Variants in IL19 observed in about 807,000 individuals in gnomAD.
IL19 encodes interleukin-19.
In IL19, 15 loss-of-function variants were observed where a neutral mutation model predicts 19.5. The observed-to-expected ratio is 0.77, with a 90% CI of 0.52 to 1.19. The LOEUF is 1.19. IL19 is among the 50% of genes most tolerant of loss of function. IL19 has a pLI of 0.00. For synonymous variants in IL19, 78 were observed against 78.3 expected (o/e 1.00, Z 0.02); for missense variants, 199 against 213.1 (o/e 0.93, Z 0.41).
At chr1:206,782,313 C>T (rs1675166636) in intron 1 of IL19, among the ~76,000 whole-genome samples, 1 of 152,052 alleles carries the variant, frequency 6.6e-6, no homozygotes, top group Non-Finnish European at 1.5e-5. Flanking sequence ...CTCTTACATG[C>T]GGTCTGTTGT....
intron 2 of IL19, among the ~76,000 whole-genome samples, chr1:206,808,489 TTGTG>T (rs939615370): frequency 8.2e-5 from 10 of 122,404 alleles, no homozygotes; most frequent in Admixed American, 4.4e-4. Context: ...ATGAAGGGAA[TTGTG>T]TGTGTGCGTG....
At chr1:206,793,207 AC>A (rs1461397339) in intron 1 of IL19, among the ~76,000 whole-genome samples, 1 of 152,204 alleles carries the variant, frequency 6.6e-6, no homozygotes, top group African/African-American at 2.4e-5. Flanking sequence ...TCTGCCGATG[AC>A]TTTTATAGCT....
At chr1:206,777,056 C>T (rs1675021914) in intron 1 of IL19, among the ~76,000 whole-genome samples, 1 of 151,828 alleles carries the variant, frequency 6.6e-6, no homozygotes, top group South Asian at 2.1e-4. Flanking sequence ...ACGGTGAAAC[C>T]CTGTCTCTAC....
intron 2 of IL19, among the ~76,000 whole-genome samples, chr1:206,809,439 A>ACTTCCT (rs1441106301): frequency 6.6e-6 from 1 of 152,190 alleles, no homozygotes; most frequent in East Asian, 1.9e-4. Context: ...TCTTCACTTT[A>ACTTCCT]GCTCAGCTTC....
intron 1 of IL19, among the ~76,000 whole-genome samples, chr1:206,776,880 T>C (rs1240754506): frequency 6.9e-6 from 1 of 144,068 alleles, no homozygotes; most frequent in Non-Finnish European, 1.5e-5. Flanking sequence ...ATGGGAGCTC[T>C]GTTTTCACTG....
chr1:206,800,794 C>T (rs967278521), intron 2 of IL19, among the ~76,000 whole-genome samples: 1 of 152,194 alleles, frequency 6.6e-6, no homozygotes, highest in African/African-American at 2.4e-5. Context: ...TGGCCCTGGC[C>T]CCTCCTGGCC....
Position 206,770,972 on chromosome 1 carries a change from T to C in IL19, c.-255T>C. 1.2e-6 allele frequency: 2 copies of C among 1,614,176 alleles called. No individual in the cohort carries two copies. The highest frequency in any genetic ancestry group is 8.5e-7 in the Non-Finnish European group (1 of 1,180,008). Reference sequence around the variant, plus strand: ...CCCAGGGAGTTCACATGCGCCTTGATGTCTGGGTCTTGGTTCTCAGCTTGG... The same window carrying C: ...CCCAGGGAGTTCACATGCGCCTTGACGTCTGGGTCTTGGTTCTCAGCTTGG... On this transcript the variant is annotated 5_prime_UTR_variant, in exon 1 of 7. It removes an upstream start codon present in the reference 5' UTR. Coordinates refer to ENST00000659997, the MANE Select transcript of IL19 (RefSeq NM_153758.5).
intron 1 of IL19, among the ~76,000 whole-genome samples, chr1:206,789,303 T>G (rs1675338102): frequency 6.6e-6 from 1 of 152,218 alleles, no homozygotes; most frequent in Non-Finnish European, 1.5e-5. Flanking sequence ...TGGAAACTAC[T>G]AAACATTGTA....
At chr1:206,819,359 GC>G (rs1455631798) in intron 2 of IL19, among the ~76,000 whole-genome samples, 1 of 151,894 alleles carries the variant, frequency 6.6e-6, no homozygotes, top group Non-Finnish European at 1.5e-5. Context: ...GCTGAGGCGG[GC>G]AGATCACGAG....
chr1:206,827,434 T>C (rs544408742), intron 2 of IL19, among the ~76,000 whole-genome samples: 11 of 152,302 alleles, frequency 7.2e-5, no homozygotes, highest in African/African-American at 2.4e-4. Context: ...CTCACGCCTG[T>C]AATCCCAGCA....
intron 2 of IL19, among the ~76,000 whole-genome samples, chr1:206,820,019 G>A (rs778076143): frequency 6.6e-6 from 1 of 152,090 alleles, no homozygotes; most frequent in Non-Finnish European, 1.5e-5. Flanking sequence ...ACTTGTGAAG[G>A]ATTCTTTTCA....
intron 2 of IL19, among the ~76,000 whole-genome samples, chr1:206,818,373 T>C (rs1459692962): frequency 2.0e-5 from 3 of 152,234 alleles, no homozygotes; most frequent in Non-Finnish European, 4.4e-5. Context: ...AAGAAATTAA[T>C]TGGTCATACA....
intron 1 of IL19, among the ~76,000 whole-genome samples, chr1:206,774,329 C>T (rs994725987): frequency 3.3e-5 from 5 of 152,210 alleles, no homozygotes; most frequent in Non-Finnish European, 7.3e-5. Flanking sequence ...TCAGAACTTA[C>T]TGGTCCTGCC....
chr1:206,834,776 CCTGT>C (rs1676728261), intron 2 of IL19, among the ~76,000 whole-genome samples: 1 of 152,056 alleles, frequency 6.6e-6, no homozygotes, highest in African/African-American at 2.4e-5. Flanking sequence ...GAAATGGGTT[CCTGT>C]CTGTCTGGTG....
At chr1:206,784,757 G>A (rs1224474907) in intron 1 of IL19, among the ~76,000 whole-genome samples, 1 of 152,244 alleles carries the variant, frequency 6.6e-6, no homozygotes, top group African/African-American at 2.4e-5. Context: ...TTACTGGAAA[G>A]CCCTAGAAAG....
intron 1 of IL19, among the ~76,000 whole-genome samples, chr1:206,781,387 C>A (rs1250903475): frequency 1.5e-5 from 2 of 135,140 alleles, no homozygotes. Context: ...TGTGCTCCAG[C>A]CTGGGCGACA....
At chr1:206,773,969 T>C (rs1674928788) in intron 1 of IL19, among the ~76,000 whole-genome samples, 1 of 152,186 alleles carries the variant, frequency 6.6e-6, no homozygotes, top group Non-Finnish European at 1.5e-5. Flanking sequence ...GCATTGAGCT[T>C]AAGTAGCCAT....
At chr1:206,827,419 G>A (rs1480923352) in intron 2 of IL19, among the ~76,000 whole-genome samples, 1 of 152,004 alleles carries the variant, frequency 6.6e-6, no homozygotes, top group Non-Finnish European at 1.5e-5. Flanking sequence ...GGCCGGGCAC[G>A]GTGGCTCACG....
At chr1:206,817,439 T>A (rs2176511) in intron 2 of IL19, among the ~76,000 whole-genome samples, 42,217 of 152,182 alleles carry the variant, frequency 0.28, 6,757 homozygotes, top group East Asian at 0.6. Flanking sequence ...TCAATGTCAT[T>A]ATATTGGCTT....
Sources: gnomAD v4.1 joint callset for allele counts (sites outside exome capture counted in the v4.1 genomes callset) on GRCh38, gnomAD v4.1.1 for gene constraint, MANE v1.5 for transcripts, NCBI Gene and HGNC (gene_info 2026-07-23, HGNC 2026-07-21) for gene names.